The following CD226 variants were observed in gnomAD, a reference collection of about 807,000 sequenced individuals.
CD226 encodes the protein CD226 antigen.
CD226 carries 24 observed loss-of-function variants against 34.9 expected under a neutral mutation model. The ratio of observed to expected loss-of-function variants is 0.69; its 90% CI spans 0.50 to 0.97. The LOEUF (loss-of-function observed/expected upper bound fraction) is 0.97, where lower values mean the gene tolerates loss of function less well. Ranked by LOEUF, CD226 falls within the 50% of genes least tolerant of loss-of-function variation. The pLI is 0.00. For missense variants in CD226, 397 were observed against 412.7 expected, an observed-to-expected ratio of 0.96 and a Z score of 0.33; for synonymous variants, 148 against 147.4, an observed-to-expected ratio of 1.00 and a Z score of -0.03.
intron 2 of CD226, among the ~76,000 whole-genome samples, chr18:69,925,745 G>A (rs1391156512): frequency 6.6e-6 from 1 of 152,126 alleles, no homozygotes; most frequent in Non-Finnish European, 1.5e-5. Flanking sequence ...ATGAACGACA[G>A]TCCACGATAC....
chr18:69,947,394 T>A lies in CD226; in HGVS notation c.13A>T (p.Thr5Ser). MDYP[T>S]LLLALLHVYR... The stretch of plus-strand genomic sequence containing the variant: ...ACATGAAGAAGAGCCAAAAGTAAAG[T>A]AGGATAATCCATCTCTGGAAACTGT... Residue 5 changes from threonine (T) to serine (S), a missense_variant, in exon 1 of 6, where the codon ACT becomes TCT. Thr to Ser is a moderately conservative substitution (Grantham distance 58). Coordinates refer to ENST00000582621, the MANE Select transcript of CD226 (RefSeq NM_001303618.2). The A allele has an allele frequency of 6.3e-7, 1 of 1,588,538 alleles. No homozygotes were observed. The highest frequency in any genetic ancestry group is 8.6e-7 in the Non-Finnish European group (1 of 1,169,504).
At chr18:69,893,274 T>C (rs1985013352) in intron 3 of CD226, among the ~76,000 whole-genome samples, 1 of 152,250 alleles carries the variant, frequency 6.6e-6, no homozygotes, top group African/African-American at 2.4e-5. Flanking sequence ...TACTGACCAT[T>C]ACATTTAGTC....
chr18:69,882,284 T>C (rs956266265), intron 3 of CD226, among the ~76,000 whole-genome samples: 1 of 152,342 alleles, frequency 6.6e-6, no homozygotes, highest in East Asian at 1.9e-4. Context: ...TGAAAATACT[T>C]GTCCCAAATA....
chr18:69,888,163 A>C (rs889607257), intron 3 of CD226, among the ~76,000 whole-genome samples: 13 of 152,350 alleles, frequency 8.5e-5, no homozygotes, highest in Middle Eastern at 6.8e-3. Context: ...AATGCTATTA[A>C]TCTTATAAGA....
chr18:69,866,927 G>T (rs1303756052), intron 5 of CD226, among the ~76,000 whole-genome samples: 1 of 152,162 alleles, frequency 6.6e-6, no homozygotes, highest in Admixed American at 6.5e-5. Context: ...CTAGAAGCTG[G>T]ATAGAAGCAT....
intron 2 of CD226, among the ~76,000 whole-genome samples, chr18:69,933,374 G>A (rs934504557): frequency 6.6e-6 from 1 of 152,132 alleles, no homozygotes; most frequent in African/African-American, 2.4e-5. Flanking sequence ...CCTGGTATGC[G>A]ATGTTTCTTG....
At chr18:69,870,277 T>C (rs1254631716) in intron 4 of CD226, among the ~76,000 whole-genome samples, 2 of 148,490 alleles carry the variant, frequency 1.3e-5, no homozygotes, top group African/African-American at 5.0e-5. Context: ...TCCCCCTTTT[T>C]TTTTTTTTTT....
At chr18:69,876,470 G>T (rs1241271812) in intron 3 of CD226, among the ~76,000 whole-genome samples, 1 of 152,018 alleles carries the variant, frequency 6.6e-6, no homozygotes, top group Non-Finnish European at 1.5e-5. Context: ...GTAATGTTTG[G>T]CCTCTTGGAT....
Position 69,946,727 on chromosome 18 carries a change from C to A in CD226, c.382+7G>T. 2 of 1,583,076 alleles carry A rather than the reference C, an allele frequency of 1.3e-6. No individual in the cohort carries two copies. Among genetic ancestry groups the A allele is most frequent in the Non-Finnish European group, 8.6e-7 (1 of 1,164,178 alleles). On this transcript the variant is annotated splice_region_variant and intron_variant, in intron 2 of 5. Transcript: ENST00000582621. ...GGGATTTAAAAAAAAAAAAAACTTG[C>A]CCTTACCTGACTGAACCACCTGTAT... is the stretch of plus-strand genomic sequence containing the variant.
intron 2 of CD226, among the ~76,000 whole-genome samples, chr18:69,915,211 T>C (rs561805115): frequency 7.2e-5 from 11 of 152,350 alleles, no homozygotes; most frequent in African/African-American, 2.6e-4. Context: ...ATCATTGCTA[T>C]TTGCTTTATT....
chr18:69,898,614 T>C (rs1788113), intron 2 of CD226, among the ~76,000 whole-genome samples: 115,740 of 152,084 alleles, frequency 0.76, 45,570 homozygotes, highest in Non-Finnish European at 0.87. Flanking sequence ...GTGAAAGAAG[T>C]GGTTCCCAAC....
At chr18:69,940,975 G>A (rs2055716935) in intron 2 of CD226, among the ~76,000 whole-genome samples, 1 of 152,196 alleles carries the variant, frequency 6.6e-6, no homozygotes, top group South Asian at 2.1e-4. Flanking sequence ...TGCATATGGT[G>A]CCCTATGTCC....
At chr18:69,915,565 AT>A (rs2055375665) in intron 2 of CD226, among the ~76,000 whole-genome samples, 2 of 152,184 alleles carry the variant, frequency 1.3e-5, no homozygotes, top group Admixed American at 1.3e-4. Context: ...GCTACGCGCC[AT>A]TTTTTAAATG....
intron 4 of CD226, among the ~76,000 whole-genome samples, chr18:69,869,157 T>C (rs1468892674): frequency 2.6e-5 from 4 of 152,212 alleles, no homozygotes; most frequent in Non-Finnish European, 4.4e-5. Context: ...TTACTGGGTA[T>C]ATGCCCAAAG....
chr18:69,901,694 A>G (rs1158531786), intron 2 of CD226, among the ~76,000 whole-genome samples: 1 of 152,122 alleles, frequency 6.6e-6, no homozygotes, highest in Non-Finnish European at 1.5e-5. Flanking sequence ...CCTGGCTAAC[A>G]TGGTGAAACC....
At chr18:69,921,251 T>A (rs1304697439) in intron 2 of CD226, among the ~76,000 whole-genome samples, 4 of 152,046 alleles carry the variant, frequency 2.6e-5, no homozygotes, top group Admixed American at 2.6e-4. Context: ...CCACCATTAA[T>A]CACCACCACT....
intron 1 of CD226, among the ~76,000 whole-genome samples, chr18:69,955,378 C>G (rs376932702): frequency 6.6e-6 from 1 of 152,220 alleles, no homozygotes; most frequent in African/African-American, 2.4e-5. Flanking sequence ...TCGACACTTG[C>G]TTGGAAAACT....
chr18:69,893,742 A>G (rs1052895170), intron 3 of CD226, among the ~76,000 whole-genome samples: 1 of 152,192 alleles, frequency 6.6e-6, no homozygotes, highest in Non-Finnish European at 1.5e-5. Context: ...CCAACCACTC[A>G]TCATTTTCAT....
chr18:69,944,559 A>G (rs923033701), intron 2 of CD226: 2 of 152,224 alleles, frequency 1.3e-5, no homozygotes, highest in African/African-American at 2.4e-5. Flanking sequence ...GCTGTTTTCA[A>G]TTGGTTGTCC....
Sources: allele counts gnomAD v4.1 joint callset (sites outside exome capture counted in the v4.1 genomes callset), GRCh38; gene constraint gnomAD v4.1.1; transcripts MANE v1.5; gene names NCBI Gene and HGNC (gene_info 2026-07-23, HGNC 2026-07-21).